THEMIS: variants seen among roughly 807,000 people sequenced by gnomAD.
THEMIS encodes thymocyte selection associated, also known as protein THEMIS.
A neutral mutation model predicts 52.6 loss-of-function variants in THEMIS; 37 were observed. The observed-to-expected ratio is 0.70, with a 90% CI of 0.54 to 0.93. The LOEUF (loss-of-function observed/expected upper bound fraction) is 0.93, where lower values mean the gene tolerates loss of function less well. THEMIS is among the 40% of genes least tolerant of loss of function. The pLI, the probability that THEMIS is intolerant of heterozygous loss-of-function variation, is 0.00. For missense variants in THEMIS, 808 were observed against 763.1 expected (o/e 1.06, Z -0.69); for synonymous variants, 292 against 272.7 (o/e 1.07, Z -0.70).
At chr6:127,887,310 A>G (rs1316614496) in intron 1 of THEMIS, among the ~76,000 whole-genome samples, 1 of 152,128 alleles carries the variant, frequency 6.6e-6, no homozygotes, top group Non-Finnish European at 1.5e-5. Flanking sequence ...AGGAAATGCA[A>G]ATTAAAACTA....
At chr6:127,731,950 C>G (rs1331447093) in intron 4 of THEMIS, among the ~76,000 whole-genome samples, 1 of 141,582 alleles carries the variant, frequency 7.1e-6, no homozygotes, top group Admixed American at 7.5e-5. Context: ...TCATGATCCG[C>G]TCACCTCGGC....
intron 4 of THEMIS, among the ~76,000 whole-genome samples, chr6:127,775,354 A>G (rs1357545772): frequency 6.6e-6 from 1 of 152,188 alleles, no homozygotes; most frequent in East Asian, 1.9e-4. Flanking sequence ...GACAAAAGTG[A>G]CGTCCACCTA....
At chr6:127,905,859 G>A (rs938674831), upstream of THEMIS, among the ~76,000 whole-genome samples, 12 of 151,216 alleles carry the variant, frequency 7.9e-5, no homozygotes, top group South Asian at 2.1e-4. Flanking sequence ...CAAAAAAGAC[G>A]AGAAAGAAAA....
At chr6:127,907,336 G>GTTTTTTTTTTTTTT (rs1444629822) in intron 1 of THEMIS, among the ~76,000 whole-genome samples, 1 of 28,600 alleles carries the variant, frequency 3.5e-5, no homozygotes, top group African/African-American at 1.1e-4. Context: ...ATTAGGCTCG[G>GTTTTTTTTTTTTTT]ATTTTTTTTT....
intron 4 of THEMIS, among the ~76,000 whole-genome samples, chr6:127,785,282 CATCT>C (rs1406760167): frequency 3.4e-5 from 5 of 148,346 alleles, no homozygotes; most frequent in Non-Finnish European, 6.0e-5. Context: ...ATCTACCTGT[CATCT>C]ATCTATCTGT....
intron 2 of THEMIS, among the ~76,000 whole-genome samples, chr6:127,839,946 G>T (rs1232579882): frequency 6.6e-6 from 1 of 151,986 alleles, no homozygotes; most frequent in South Asian, 2.1e-4. Context: ...TGGAGACAGG[G>T]ACACTAAAAG....
intron 2 of THEMIS, among the ~76,000 whole-genome samples, chr6:127,837,555 G>A (rs1414453928): frequency 6.6e-6 from 1 of 151,720 alleles, no homozygotes; most frequent in Non-Finnish European, 1.5e-5. Flanking sequence ...AAGGAACCCA[G>A]CCTAAATTTC....
intron 4 of THEMIS, among the ~76,000 whole-genome samples, chr6:127,809,670 G>C (rs1777834327): frequency 6.6e-6 from 1 of 151,946 alleles, no homozygotes; most frequent in African/African-American, 2.4e-5. Flanking sequence ...TCACTGACAT[G>C]ATTTCCTATC....
chr6:127,750,018 G>T (rs1372796210), intron 4 of THEMIS, among the ~76,000 whole-genome samples: 1 of 146,296 alleles, frequency 6.8e-6, no homozygotes, highest in Non-Finnish European at 1.5e-5. Context: ...CTGCATCCTA[G>T]ATCAATTAGA....
At chr6:127,872,186 G>A (rs565173023) in intron 1 of THEMIS, among the ~76,000 whole-genome samples, 51 of 152,264 alleles carry the variant, frequency 3.3e-4, no homozygotes, top group African/African-American at 1.2e-3. Context: ...TACATTAACA[G>A]GCTAAAAAAA....
At chr6:127,876,738 C>T (rs1186057026) in intron 1 of THEMIS, among the ~76,000 whole-genome samples, 1 of 152,106 alleles carries the variant, frequency 6.6e-6, no homozygotes, top group Non-Finnish European at 1.5e-5. Context: ...AGTGTGAAAA[C>T]AAAACTAAAC....
chr6:127,749,287 G>C (rs1052676854), intron 4 of THEMIS, among the ~76,000 whole-genome samples: 48 of 151,956 alleles, frequency 3.2e-4, no homozygotes, highest in Non-Finnish European at 6.3e-4. Context: ...AGTGCATAAA[G>C]ATATGTGGTG....
chr6:127,757,463 T>A (rs1384577628), intron 4 of THEMIS, among the ~76,000 whole-genome samples: 1 of 152,108 alleles, frequency 6.6e-6, no homozygotes, highest in East Asian at 1.9e-4. Context: ...GTGAAAGTGA[T>A]ACATGTCACA....
At chr6:127,811,380 G>A (rs984133683) in intron 4 of THEMIS, among the ~76,000 whole-genome samples, 2 of 152,080 alleles carry the variant, frequency 1.3e-5, no homozygotes, top group Non-Finnish European at 2.9e-5. Flanking sequence ...CATTTGTGTT[G>A]CTTAGTTCAT....
At chr6:127,838,567 C>T (rs900205959) in intron 2 of THEMIS, among the ~76,000 whole-genome samples, 2 of 151,698 alleles carry the variant, frequency 1.3e-5, no homozygotes, top group Non-Finnish European at 2.9e-5. Flanking sequence ...ATATTGTTTC[C>T]TTATGGTTTT....
upstream of THEMIS, among the ~76,000 whole-genome samples, chr6:127,903,117 G>A (rs755936214): frequency 5.3e-5 from 8 of 152,068 alleles, no homozygotes; most frequent in Admixed American, 2.0e-4. Flanking sequence ...AGAATCATGT[G>A]AGATGCCATT....
At chr6:127,787,803 G>GTAGATAGATAGATAGATAGATAGATAGA (rs147102978) in intron 4 of THEMIS, among the ~76,000 whole-genome samples, 1 of 137,638 alleles carries the variant, frequency 7.3e-6, no homozygotes, top group Non-Finnish European at 1.6e-5. Flanking sequence ...ACAGTGATAG[G>GTAGATAGATAGATAGATAGATAGATAGA]TAGATAGATA....
intron 1 of THEMIS, among the ~76,000 whole-genome samples, chr6:127,867,902 C>G (rs1285646234): frequency 1.3e-5 from 2 of 151,116 alleles, no homozygotes; most frequent in Admixed American, 6.6e-5. Flanking sequence ...ATGTTTATCT[C>G]CACTGAAGGA....
At chr6:127,909,050 G>A in intron 1 of THEMIS, among the ~76,000 whole-genome samples, 1 of 151,246 alleles carries the variant, frequency 6.6e-6, no homozygotes, top group South Asian at 2.1e-4. Flanking sequence ...AATATATTAA[G>A]TATATATATT....
Sources: allele counts gnomAD v4.1 joint callset (sites outside exome capture counted in the v4.1 genomes callset), GRCh38; gene constraint gnomAD v4.1.1; transcripts MANE v1.5; gene names NCBI Gene and HGNC (gene_info 2026-07-23, HGNC 2026-07-21).